The following SMYD3 variants were observed in gnomAD, a reference collection of about 807,000 sequenced individuals.
SMYD3 encodes histone-lysine N-methyltransferase SMYD3.
A neutral mutation model predicts 57.7 loss-of-function variants in SMYD3; 36 were observed. The ratio of observed to expected loss-of-function variants is 0.62; its 90% CI spans 0.48 to 0.82. SMYD3 has a LOEUF of 0.82. Among genes scored for constraint, SMYD3 ranks in the 40% least tolerant of loss-of-function variants. The probability of loss-of-function intolerance (pLI) is 0.00; values close to 1 mark genes in which losing one functional copy is unlikely to be tolerated. For missense variants in SMYD3, 515 were observed against 538.8 expected, an observed-to-expected ratio of 0.96 and a Z score of 0.44; for synonymous variants, 211 against 195.0, an observed-to-expected ratio of 1.08 and a Z score of -0.68.
At chr1:246,260,739 C>T (rs80130571) in intron 5 of SMYD3, among the ~76,000 whole-genome samples, 1 of 152,134 alleles carries the variant, frequency 6.6e-6, no homozygotes, top group African/African-American at 2.4e-5. Flanking sequence ...CCCCATTTTC[C>T]TTCTTGAAAA....
intron 8 of SMYD3, among the ~76,000 whole-genome samples, chr1:245,915,025 T>C (rs1446055765): frequency 6.6e-6 from 1 of 152,178 alleles, no homozygotes; most frequent in Non-Finnish European, 1.5e-5. Context: ...TTGATTTTGA[T>C]GGCAGTTTCA....
At chr1:246,371,390 T>A (rs2066189602) in intron 1 of SMYD3, among the ~76,000 whole-genome samples, 2 of 152,152 alleles carry the variant, frequency 1.3e-5, no homozygotes, top group Non-Finnish European at 2.9e-5. Flanking sequence ...CGTCCCTAAA[T>A]AAGCAACCTC....
At chr1:245,798,377 AAC>A (rs2047647742) in intron 10 of SMYD3, among the ~76,000 whole-genome samples, 1 of 312 alleles carries the variant, frequency 3.2e-3, no homozygotes, top group Non-Finnish European at 6.3e-3. Context: ...TTGACCTGTC[AAC>A]ACACACACGC....
At chr1:245,927,689 A>G (rs534249046) in intron 7 of SMYD3, among the ~76,000 whole-genome samples, 1 of 152,192 alleles carries the variant, frequency 6.6e-6, no homozygotes, top group Non-Finnish European at 1.5e-5. Context: ...TCTCACACAC[A>G]GGACAGGAAC....
intron 1 of SMYD3, among the ~76,000 whole-genome samples, chr1:246,421,927 C>T (rs2067149582): frequency 6.6e-6 from 1 of 152,194 alleles, no homozygotes; most frequent in Admixed American, 6.5e-5. Flanking sequence ...TTTTGGTCTA[C>T]TCATGCCCTC....
intron 10 of SMYD3, among the ~76,000 whole-genome samples, chr1:245,804,808 A>C (rs538363291): frequency 6.6e-6 from 1 of 152,294 alleles, no homozygotes; most frequent in East Asian, 1.9e-4. Flanking sequence ...AGCAGCCCTC[A>C]CCAGGCGCTG....
rs563892083 is a variant in SMYD3, at chr1:246,276,283, T to C, written c.531+50918A>G. On this transcript the variant is annotated intron_variant, in intron 5 of 11. Transcript: ENST00000490107. ...ACTAACTCTGTTTTTTCACTAGCCGTATTAACACTGGCAAGTTATTTAATG... is the reference window on the plus strand; with the variant it reads ...ACTAACTCTGTTTTTTCACTAGCCGCATTAACACTGGCAAGTTATTTAATG... Among the ~76,000 whole-genome samples the C allele has an allele frequency of 1.6e-4, 20 of 125,284 alleles. 3 individuals are homozygous for C. The highest frequency in any genetic ancestry group is 3.5e-4 in the South Asian group (1 of 2,826). The allele number at this position is 125,284 out of a possible 152,430, so 82.2% of individuals were successfully genotyped here.
chr1:246,427,940 T>C lies in SMYD3; in HGVS notation c.165-72846A>G, dbSNP rs1393716292. ...AAAAGATTCTTAAATCCTTAACTTA[T>C]TACAGAGGAATTCCAAATACAGACA... On this transcript the variant is annotated intron_variant, in intron 1 of 11. Transcript: ENST00000490107. Among the ~76,000 whole-genome samples the C allele has an allele frequency of 2.6e-5, 4 of 152,340 alleles. No homozygotes were observed. The East Asian group carries it at 7.7e-4, about 29-fold the overall frequency.
chr1:246,453,336 T>C, intron 1 of SMYD3, among the ~76,000 whole-genome samples: 1 of 152,094 alleles, frequency 6.6e-6, no homozygotes, highest in East Asian at 1.9e-4. Flanking sequence ...ATATGACACA[T>C]TTGCAAAATT....
chr1:245,999,164 A>T (rs1423253541), intron 5 of SMYD3, among the ~76,000 whole-genome samples: 1 of 152,166 alleles, frequency 6.6e-6, no homozygotes, highest in African/African-American at 2.4e-5. Context: ...TTTACCACCA[A>T]AAAAAACCCA....
intron 10 of SMYD3, among the ~76,000 whole-genome samples, chr1:245,811,464 G>C (rs1441319843): frequency 6.6e-6 from 1 of 152,072 alleles, no homozygotes; most frequent in Admixed American, 6.5e-5. Flanking sequence ...TGAAAGTCTT[G>C]GGTTTCTTAG....
intron 10 of SMYD3, chr1:245,814,503 C>A: frequency 1.5e-6 from 1 of 677,628 alleles, no homozygotes; most frequent in Non-Finnish European, 1.8e-6. Context: ...ACACCACATA[C>A]TTGTTTTAAA....
intron 5 of SMYD3, among the ~76,000 whole-genome samples, chr1:246,026,436 T>C (rs186970309): frequency 6.6e-6 from 1 of 152,334 alleles, no homozygotes; most frequent in Non-Finnish European, 1.5e-5. Context: ...ATGGATCTTG[T>C]GTTTACTAGA....
intron 5 of SMYD3, among the ~76,000 whole-genome samples, chr1:246,144,173 A>G (rs1216081690): frequency 6.6e-6 from 1 of 152,166 alleles, no homozygotes; most frequent in Non-Finnish European, 1.5e-5. Context: ...ACTACTAAAG[A>G]TCGGGATGCT....
chr1:245,883,723 T>C (rs1201050361), intron 8 of SMYD3, among the ~76,000 whole-genome samples: 4 of 152,178 alleles, frequency 2.6e-5, no homozygotes, highest in Non-Finnish European at 5.9e-5. Flanking sequence ...ACTGTAAGAA[T>C]TTAGGTACAA....
chr1:245,847,087 G>A (rs1190900915), intron 10 of SMYD3, among the ~76,000 whole-genome samples: 11 of 152,144 alleles, frequency 7.2e-5, no homozygotes, highest in Admixed American at 5.2e-4. Context: ...GAACCTGGCT[G>A]GGCCATTTCC....
At chr1:246,053,584 T>C (rs561001950) in intron 5 of SMYD3, among the ~76,000 whole-genome samples, 1 of 152,276 alleles carries the variant, frequency 6.6e-6, no homozygotes, top group East Asian at 1.9e-4. Flanking sequence ...AAAAAAATGA[T>C]GCAGGAACAA....
In SMYD3 at chr1:246,507,124, G is replaced by C. The variant is rs2068556856; in HGVS notation, c.94C>G (p.Arg32Gly). The C allele has an allele frequency of 1.3e-6, 2 of 1,533,736 alleles. No individual in the cohort carries two copies. The highest frequency in any genetic ancestry group is 2.0e-5 in the Admixed American group (1 of 49,216). ...TPLRPGELLF[R>G]SDPLAYTVCK... is the part of the protein sequence containing the mutation. ...ACCGTGTACGCCAAGGGATCCGAGC[G>C]GAAGAGTAGCTCTCCGGGGCGCAGC... Residue 32 changes from arginine to glycine, a missense_variant, in exon 1 of 12, where the codon CGC (arginine) becomes GGC (glycine). By Grantham distance (125) the Arg-to-Gly change is moderately radical. Transcript: ENST00000490107.
chr1:246,206,874 AT>A (rs1206153512), intron 5 of SMYD3, among the ~76,000 whole-genome samples: 49 of 152,204 alleles, frequency 3.2e-4, no homozygotes, highest in African/African-American at 1.1e-3. Context: ...AGCTCAGCTG[AT>A]TTAACAACTG....
Sources: gnomAD v4.1 joint callset for allele counts (sites outside exome capture counted in the v4.1 genomes callset) on GRCh38, gnomAD v4.1.1 for gene constraint, MANE v1.5 for transcripts, NCBI Gene and HGNC (gene_info 2026-07-23, HGNC 2026-07-21) for gene names.